The following ARHGAP24 variants were observed in gnomAD, a reference collection of about 807,000 sequenced individuals.
ARHGAP24 encodes Rho GTPase activating protein 24.
ARHGAP24 carries 50 observed loss-of-function variants against 76.4 expected under a neutral mutation model. The ratio of observed to expected loss-of-function variants is 0.65; its 90% CI spans 0.52 to 0.83. ARHGAP24 has a LOEUF of 0.83. Among genes scored for constraint, ARHGAP24 ranks in the 40% least tolerant of loss-of-function variants. ARHGAP24 has a pLI of 0.00. For missense variants in ARHGAP24, 930 were observed against 914.2 expected (o/e 1.02, Z -0.22); for synonymous variants, 345 against 323.3 (o/e 1.07, Z -0.72).
intron 3 of ARHGAP24, among the ~76,000 whole-genome samples, chr4:85,745,595 A>AAAAAAAAAACTATGAG (rs1161560713): frequency 5.3e-5 from 8 of 150,078 alleles, no homozygotes; most frequent in African/African-American, 2.0e-4. Context: ...TATCTCTTAA[A>AAAAAAAAAACTATGAG]AAAAAAAAAC....
intron 3 of ARHGAP24, among the ~76,000 whole-genome samples, chr4:85,854,257 G>GA (rs896802296): frequency 6.6e-6 from 1 of 151,414 alleles, no homozygotes; most frequent in African/African-American, 2.4e-5. Flanking sequence ...TTAAATACTT[G>GA]AAAAATAGCA....
chr4:85,943,631 C>T (rs1290561691), intron 5 of ARHGAP24, among the ~76,000 whole-genome samples: 1 of 152,016 alleles, frequency 6.6e-6, no homozygotes, highest in East Asian at 1.9e-4. Flanking sequence ...CCACAACAGG[C>T]CTGGTGTGTG....
In ARHGAP24 at chr4:85,735,903, T is replaced by TA. The variant is rs1395962758; in HGVS notation, c.268+13938dup. On this transcript the variant is annotated intron_variant, in intron 3 of 9. Transcript: ENST00000395184. ...ATGATCAAGTCACCTCCTATTTTTT[T>TA]AAAAAAATCTATCACCGTCTACAGG... Among the ~76,000 whole-genome samples the TA allele has an allele frequency of 2.6e-5, 4 of 152,296 alleles. No individual in the cohort carries two copies. In the South Asian group the frequency reaches 6.2e-4, roughly 24 times the overall value.
chr4:85,708,993 A>G (rs1724420992), intron 2 of ARHGAP24, among the ~76,000 whole-genome samples: 2 of 152,190 alleles, frequency 1.3e-5, no homozygotes, highest in African/African-American at 4.8e-5. Context: ...GAAACTCTCC[A>G]AAAGATTAGG....
At chr4:85,588,439 C>G (rs1347816504) in intron 2 of ARHGAP24, among the ~76,000 whole-genome samples, 1 of 152,202 alleles carries the variant, frequency 6.6e-6, no homozygotes, top group African/African-American at 2.4e-5. Context: ...GTGGCTTTCT[C>G]ATCTGAATTC....
chr4:85,964,435 T>C (rs1738450653), intron 5 of ARHGAP24, among the ~76,000 whole-genome samples: 2 of 152,148 alleles, frequency 1.3e-5, no homozygotes, highest in Admixed American at 1.3e-4. Context: ...ATAGATATTA[T>C]GTAGTCTTGT....
intron 7 of ARHGAP24, among the ~76,000 whole-genome samples, chr4:85,977,243 A>T (rs1484465231): frequency 6.6e-6 from 1 of 152,156 alleles, no homozygotes; most frequent in Non-Finnish European, 1.5e-5. Context: ...TTATTACTTT[A>T]TTGAGGGATT....
intron 3 of ARHGAP24, among the ~76,000 whole-genome samples, chr4:85,872,288 T>C (rs1732576384): frequency 6.6e-6 from 1 of 151,994 alleles, no homozygotes; most frequent in Non-Finnish European, 1.5e-5. Context: ...TCACTGAGTT[T>C]TAAAACACTT....
intron 3 of ARHGAP24, among the ~76,000 whole-genome samples, chr4:85,839,290 T>C (rs1381174495): frequency 6.6e-6 from 1 of 152,232 alleles, no homozygotes; most frequent in Non-Finnish European, 1.5e-5. Context: ...GATTTAAATA[T>C]GGATATCAGA....
intron 8 of ARHGAP24, among the ~76,000 whole-genome samples, chr4:85,978,879 T>C (rs1739485295): frequency 6.6e-6 from 1 of 152,198 alleles, no homozygotes; most frequent in African/African-American, 2.4e-5. Context: ...GCAATTTCTT[T>C]GTGTTTCTGT....
At chr4:85,959,936 A>G (rs1738148303) in intron 5 of ARHGAP24, among the ~76,000 whole-genome samples, 1 of 152,014 alleles carries the variant, frequency 6.6e-6, no homozygotes, top group African/African-American at 2.4e-5. Context: ...TCATGTGATT[A>G]TGGCTATTTT....
chr4:85,801,103 ACTAT>A (rs1374890493), intron 3 of ARHGAP24, among the ~76,000 whole-genome samples: 10 of 152,178 alleles, frequency 6.6e-5, no homozygotes, highest in Admixed American at 3.9e-4. Flanking sequence ...GTCATTTTAA[ACTAT>A]CTATAGTTTT....
intron 3 of ARHGAP24, chr4:85,778,771 T>C (rs1402060355): frequency 2.0e-6 from 2 of 985,312 alleles, no homozygotes; most frequent in Non-Finnish European, 2.4e-6. Flanking sequence ...GAAGAGTTTA[T>C]ATCCCCTTCT....
At chr4:85,553,529 A>G (rs1278876232) in intron 1 of ARHGAP24, among the ~76,000 whole-genome samples, 1 of 151,154 alleles carries the variant, frequency 6.6e-6, no homozygotes, top group African/African-American at 2.4e-5. Flanking sequence ...CTTTAGCTAG[A>G]TAGAAAAGTT....
intron 2 of ARHGAP24, among the ~76,000 whole-genome samples, chr4:85,571,586 C>T (rs537911264): frequency 1.3e-5 from 2 of 152,226 alleles, no homozygotes; most frequent in South Asian, 2.1e-4. Flanking sequence ...GAATTTGGAC[C>T]AGGTCTCTGC....
intron 4 of ARHGAP24, among the ~76,000 whole-genome samples, chr4:85,941,565 T>C (rs1283310968): frequency 6.6e-6 from 1 of 152,170 alleles, no homozygotes; most frequent in Non-Finnish European, 1.5e-5. Context: ...TTTTCCTGGT[T>C]TTATCACCAT....
At chr4:85,834,560 A>G (rs1730165490) in intron 3 of ARHGAP24, among the ~76,000 whole-genome samples, 1 of 152,186 alleles carries the variant, frequency 6.6e-6, no homozygotes, top group African/African-American at 2.4e-5. Context: ...TCCCATAAGG[A>G]GGATAGAGTG....
At chr4:85,908,929 G>A (rs1734920821) in intron 3 of ARHGAP24, among the ~76,000 whole-genome samples, 2 of 152,112 alleles carry the variant, frequency 1.3e-5, no homozygotes, top group South Asian at 4.2e-4. Context: ...AAACCATCAA[G>A]GGTCATCCCT....
chr4:85,804,056 A>G (rs533039814), intron 3 of ARHGAP24, among the ~76,000 whole-genome samples: 1 of 151,462 alleles, frequency 6.6e-6, no homozygotes, highest in East Asian at 1.9e-4. Context: ...GGTTCAAGGT[A>G]CACTCCTGCT....
Sources: allele counts gnomAD v4.1 joint callset (sites outside exome capture counted in the v4.1 genomes callset), GRCh38; gene constraint gnomAD v4.1.1; transcripts MANE v1.5; gene names NCBI Gene and HGNC (gene_info 2026-07-23, HGNC 2026-07-21).